Variants in SPIRE1 observed in about 807,000 individuals in gnomAD.
SPIRE1 encodes protein spire homolog 1.
Under a neutral mutation model 94.1 loss-of-function variants are expected in SPIRE1, and 40 were observed. The ratio of observed to expected loss-of-function variants is 0.43; its 90% CI spans 0.33 to 0.55. The LOEUF (loss-of-function observed/expected upper bound fraction) is 0.55, where lower values mean the gene tolerates loss of function less well. Among genes scored for constraint, SPIRE1 ranks in the 20% least tolerant of loss-of-function variants. The pLI, the probability that SPIRE1 is intolerant of heterozygous loss-of-function variation, is 0.06. For missense variants in SPIRE1, 838 were observed against 975.2 expected, an observed-to-expected ratio of 0.86 and a Z score of 1.87; for synonymous variants, 376 against 371.7, an observed-to-expected ratio of 1.01 and a Z score of -0.13.
Position 12,481,155 on chromosome 18 carries a change from C to A in SPIRE1, c.1232-1284G>T, listed in dbSNP as rs375172686. On this transcript the variant is annotated intron_variant, in intron 9 of 16. Coordinates refer to ENST00000409402, the MANE Select transcript of SPIRE1 (RefSeq NM_001128626.2). ...GACCAGCCTGACCAACATGGTGAAA[C>A]CCCGTCTCCACTAAAAATATAAAAA... Among the ~76,000 whole-genome samples, 63 of 152,178 alleles carry A rather than the reference C, an allele frequency of 4.1e-4. No homozygotes were observed. In the Middle Eastern group the frequency reaches 0.01, roughly 25 times the overall value.
intron 3 of SPIRE1, among the ~76,000 whole-genome samples, chr18:12,546,318 T>A (rs1044786722): frequency 6.6e-6 from 1 of 152,048 alleles, no homozygotes; most frequent in Non-Finnish European, 1.5e-5. Context: ...AATGTAGATA[T>A]GTGTCAACCA....
At chr18:12,465,857 G>A (rs924952361) in intron 10 of SPIRE1, among the ~76,000 whole-genome samples, 6 of 152,068 alleles carry the variant, frequency 3.9e-5, no homozygotes, top group South Asian at 2.1e-4. Context: ...AGGCCAAGAC[G>A]GGCAGATCAC....
chr18:12,626,886 ATTTTTT>A (rs1194431610), intron 2 of SPIRE1, among the ~76,000 whole-genome samples: 3 of 111,892 alleles, frequency 2.7e-5, no homozygotes, highest in Admixed American at 2.0e-4. Flanking sequence ...ATATATATAT[ATTTTTT>A]TTTTTTTTTT....
At chr18:12,471,575 C>T (rs1429171025) in intron 10 of SPIRE1, among the ~76,000 whole-genome samples, 1 of 151,880 alleles carries the variant, frequency 6.6e-6, no homozygotes, top group Non-Finnish European at 1.5e-5. Context: ...CCGTCCGCCT[C>T]AGCCTCCCAG....
At chr18:12,572,807 G>C (rs935026419) in intron 2 of SPIRE1, among the ~76,000 whole-genome samples, 6 of 152,096 alleles carry the variant, frequency 3.9e-5, no homozygotes, top group African/African-American at 1.4e-4. Context: ...TTCATCAAAT[G>C]GTTCTGGAAC....
In SPIRE1 at chr18:12,527,797, T is replaced by C. The variant is rs189239707; in HGVS notation, c.729+7679A>G. Among the ~76,000 whole-genome samples, 837 of 152,264 alleles carry C rather than the reference T, an allele frequency of 5.5e-3. 7 individuals are homozygous for C. Among genetic ancestry groups the C allele is most frequent in the African/African-American group, 0.019 (770 of 41,568 alleles). On this transcript the variant is annotated intron_variant, in intron 4 of 16. Transcript: ENST00000409402. Reference sequence around the variant, plus strand: ...ATAAAAATATGTTGGCCAGGTGCAGTGGCTCACGCCTGTAATCCCAGCACT... The same window carrying C: ...ATAAAAATATGTTGGCCAGGTGCAGCGGCTCACGCCTGTAATCCCAGCACT...
chr18:12,582,898 T>C (rs1398785834), intron 2 of SPIRE1, among the ~76,000 whole-genome samples: 2 of 152,188 alleles, frequency 1.3e-5, no homozygotes, highest in Non-Finnish European at 2.9e-5. Flanking sequence ...ATAGACAGTC[T>C]GGACTCTACC....
chr18:12,479,516 T>C (rs967418188), intron 10 of SPIRE1, among the ~76,000 whole-genome samples, 183 bp downstream of exon 10: 13 of 152,196 alleles, frequency 8.5e-5, no homozygotes, highest in African/African-American at 3.1e-4. Flanking sequence ...TATTGGTCTT[T>C]ACTAATAGAA....
chr18:12,598,150 ATTACGTC>A (rs1411494937), intron 2 of SPIRE1, among the ~76,000 whole-genome samples: 4 of 152,354 alleles, frequency 2.6e-5, no homozygotes, highest in Admixed American at 6.5e-5. Context: ...ATTTGACATA[ATTACGTC>A]TTCCTAAACA....
At chr18:12,520,472 C>T (rs369085563) in intron 4 of SPIRE1, among the ~76,000 whole-genome samples, 3 of 152,114 alleles carry the variant, frequency 2.0e-5, no homozygotes, top group African/African-American at 4.8e-5. Flanking sequence ...GGGAGAGCAG[C>T]GCTAAGAGCA....
intron 1 of SPIRE1, among the ~76,000 whole-genome samples, chr18:12,655,423 T>C (rs1488707213): frequency 1.3e-5 from 2 of 152,166 alleles, no homozygotes; most frequent in Non-Finnish European, 1.5e-5. Context: ...AATGAGGAAA[T>C]AAACTAATGT....
intron 5 of SPIRE1, among the ~76,000 whole-genome samples, chr18:12,510,754 G>A (rs369285107): frequency 1.3e-5 from 2 of 151,900 alleles, no homozygotes; most frequent in East Asian, 3.9e-4. Flanking sequence ...TGGCCAGGCT[G>A]GTCTCGAACT....
At chr18:12,555,185 AGCCTTCTCCCCTG>A (rs1357253131) in intron 2 of SPIRE1, among the ~76,000 whole-genome samples, 1 of 152,098 alleles carries the variant, frequency 6.6e-6, no homozygotes, top group Non-Finnish European at 1.5e-5. Flanking sequence ...ACCCAATTAA[AGCCTTCTCCCCTG>A]GCAATAACTG....
chr18:12,593,687 T>C (rs1052386586), intron 2 of SPIRE1, among the ~76,000 whole-genome samples: 3 of 152,308 alleles, frequency 2.0e-5, no homozygotes, highest in East Asian at 3.9e-4. Context: ...GGGTGGCTCA[T>C]GCCTGTAATC....
intron 9 of SPIRE1, among the ~76,000 whole-genome samples, chr18:12,482,982 G>A (rs186919433): frequency 3.3e-4 from 47 of 142,068 alleles, no homozygotes; most frequent in East Asian, 1.2e-3. Context: ...ATTCTGTTGC[G>A]CAGGTTGGGG....
chr18:12,656,218 A>G (rs533786959), intron 1 of SPIRE1, among the ~76,000 whole-genome samples: 3 of 150,778 alleles, frequency 2.0e-5, no homozygotes, highest in African/African-American at 7.3e-5. Flanking sequence ...GTATTTTATA[A>G]ATGTATCTTT....
At chr18:12,518,677 C>T (rs2034271262) in intron 4 of SPIRE1, among the ~76,000 whole-genome samples, 1 of 151,610 alleles carries the variant, frequency 6.6e-6, no homozygotes, top group African/African-American at 2.4e-5. Flanking sequence ...GGTGACAGAG[C>T]CTGACCCTGT....
Position 12,559,307 on chromosome 18 carries a change from G to A in SPIRE1, c.373-12403C>T, listed in dbSNP as rs1046774593. On this transcript the variant is annotated intron_variant, in intron 2 of 16. Coordinates refer to ENST00000409402, the MANE Select transcript of SPIRE1 (RefSeq NM_001128626.2). The surrounding 1 kb of genome is among the most constrained non-coding windows in gnomAD (Gnocchi z 4.7). ...GGCCAGCAGTGCTGGGGGACCCAGC[G>A]CACCCTCCACAGCTGCTGGCGCGGG... is the stretch of plus-strand genomic sequence containing the variant. Among the ~76,000 whole-genome samples the A allele has an allele frequency of 2.0e-5, 3 of 152,168 alleles. No individual in the cohort carries two copies. The highest frequency in any genetic ancestry group is 4.4e-5 in the Non-Finnish European group (3 of 68,006).
intron 5 of SPIRE1, among the ~76,000 whole-genome samples, chr18:12,507,970 C>A (rs1056468821): frequency 6.6e-6 from 1 of 151,652 alleles, no homozygotes; most frequent in Admixed American, 6.6e-5. Flanking sequence ...CATGGTGAAA[C>A]CCCGTCTCTA....
Sources: gnomAD v4.1 joint callset for allele counts (sites outside exome capture counted in the v4.1 genomes callset) on GRCh38, gnomAD v4.1.1 for gene constraint, Gnocchi (gnomAD v3.1) non-coding constraint, MANE v1.5 for transcripts, NCBI Gene and HGNC (gene_info 2026-07-23, HGNC 2026-07-21) for gene names.